GAD2: variants seen among roughly 807,000 people sequenced by gnomAD.
GAD2 encodes glutamate decarboxylase 2.
In GAD2, 22 loss-of-function variants were observed where a neutral mutation model predicts 80.1. The ratio of observed to expected loss-of-function variants is 0.27; its 90% CI spans 0.20 to 0.39. GAD2 has a LOEUF of 0.39. Among genes scored for constraint, GAD2 ranks in the 10% least tolerant of loss-of-function variants. GAD2 has a pLI of 1.00. For missense variants in GAD2, 624 were observed against 738.4 expected, an observed-to-expected ratio of 0.85 and a Z score of 1.80; for synonymous variants, 274 against 256.9, an observed-to-expected ratio of 1.07 and a Z score of -0.64.
At chr10:26,245,281 C>A (rs1218867594) in intron 7 of GAD2, among the ~76,000 whole-genome samples, 2 of 151,686 alleles carry the variant, frequency 1.3e-5, no homozygotes, top group African/African-American at 4.8e-5. Context: ...GGGCTTAATA[C>A]CTAGGTGATG....
intron 12 of GAD2, among the ~76,000 whole-genome samples, chr10:26,285,781 T>G (rs1845325353): frequency 6.6e-6 from 1 of 151,578 alleles, no homozygotes. Context: ...TTTTTTTTTT[T>G]TAGATTTTAG....
intron 8 of GAD2, among the ~76,000 whole-genome samples, chr10:26,265,296 C>G (rs546389865): frequency 6.6e-6 from 1 of 151,644 alleles, no homozygotes; most frequent in Non-Finnish European, 1.5e-5. Flanking sequence ...CTCCACCTCC[C>G]GGGTTCAAGC....
intron 7 of GAD2, among the ~76,000 whole-genome samples, chr10:26,232,464 G>A (rs947436668): frequency 1.4e-5 from 2 of 143,768 alleles, no homozygotes; most frequent in Admixed American, 1.4e-4. Context: ...TGTAAACTCA[G>A]TCTACTTTTT....
At chr10:26,280,908 T>G in intron 11 of GAD2, 101 bp from the exon 12 acceptor site, 1 of 724,466 alleles carries the variant, frequency 1.4e-6, no homozygotes, top group Non-Finnish European at 2.5e-6. Flanking sequence ...AGTGTCAATC[T>G]GGAGTCTGAG....
chr10:26,218,060 C>A lies in GAD2; in HGVS notation c.286+69C>A, dbSNP rs111409766. 2.8e-4 allele frequency: 411 copies of A among 1,485,940 alleles called. No homozygotes were observed. In the African/African-American group the frequency reaches 4.9e-3, roughly 18 times the overall value. The allele number at this position is 1,485,940 out of a possible 1,614,324, so 92.0% of individuals were successfully genotyped here. ...TCTGCCCCGCCCACCGCGGCCGGTGCGGGTCCGGCGCTGAGAGCCGGACAG... is the reference window on the plus strand; with the variant it reads ...TCTGCCCCGCCCACCGCGGCCGGTGAGGGTCCGGCGCTGAGAGCCGGACAG... On this transcript the variant is annotated intron_variant, in intron 3 of 15. Coordinates refer to ENST00000376261, the MANE Select transcript of GAD2 (RefSeq NM_001134366.2).
At chr10:26,275,271 A>C (rs190719604) in intron 11 of GAD2, among the ~76,000 whole-genome samples, 59 of 152,346 alleles carry the variant, frequency 3.9e-4, no homozygotes, top group African/African-American at 1.2e-3. Flanking sequence ...TGACTGGCAC[A>C]AAAAGTCTGT....
At position 26,302,328 on chromosome 10, in the gene GAD2, A is replaced by G. The variant is rs1325483634; in HGVS notation, c.*1367A>G. The G allele has an allele frequency of 6.6e-6, 1 of 152,190 alleles. No individual in the cohort carries two copies. The highest frequency in any genetic ancestry group is 1.5e-5 in the Non-Finnish European group (1 of 68,038). The allele number at this position is 152,190 out of a possible 1,614,324, so 9.4% of individuals were successfully genotyped here. On this transcript the variant is annotated 3_prime_UTR_variant, in exon 16 of 16. Transcript: ENST00000376261. The stretch of plus-strand genomic sequence containing the variant: ...AGGCATTATCTTAAGATTTTCCTTT[A>G]TCCATCTCCCATCGAGATCCAAAGT...
At chr10:26,271,459 C>T (rs1845135847) in intron 10 of GAD2, among the ~76,000 whole-genome samples, 1 of 152,208 alleles carries the variant, frequency 6.6e-6, no homozygotes, top group South Asian at 2.1e-4. Context: ...TGACGATTAG[C>T]TACCACCTGC....
chr10:26,288,483 G>A (rs1834173878), intron 13 of GAD2, among the ~76,000 whole-genome samples: 1 of 152,186 alleles, frequency 6.6e-6, no homozygotes, highest in African/African-American at 2.4e-5. Context: ...CCTAGTGGGA[G>A]ACTCATTCTG....
At chr10:26,262,111 G>A (rs1845015943) in intron 8 of GAD2, among the ~76,000 whole-genome samples, 1 of 152,006 alleles carries the variant, frequency 6.6e-6, no homozygotes, top group African/African-American at 2.4e-5. Context: ...TCTAGCTTCA[G>A]AAAATTCATT....
rs190441553 is a variant in GAD2, at chr10:26,286,559, T to C, written c.1386+65T>C. The stretch of plus-strand genomic sequence containing the variant: ...GAACCTTTATCTGGTGACCCCATTA[T>C]GAAATGTCAAAAAAGTGATTTCCAA... On this transcript the variant is annotated intron_variant, in intron 13 of 15. Transcript: ENST00000376261. The C allele has an allele frequency of 1.7e-5, 25 of 1,448,900 alleles. 1 individual carries two copies. Among genetic ancestry groups the C allele is most frequent in the East Asian group, 1.3e-4 (5 of 39,084 alleles). The allele number at this position is 1,448,900 out of a possible 1,614,324, so 89.8% of individuals were successfully genotyped here. A position where few individuals can be genotyped will look rare whatever the true frequency, so the allele number is the denominator to read the frequency against.
chr10:26,283,647 T>C (rs1420464683), intron 12 of GAD2, among the ~76,000 whole-genome samples: 1 of 152,182 alleles, frequency 6.6e-6, no homozygotes. Context: ...GGTACCAAAT[T>C]GTCCATGGGG....
At chr10:26,283,634 C>A (rs1038717334) in intron 12 of GAD2, among the ~76,000 whole-genome samples, 1 of 152,200 alleles carries the variant, frequency 6.6e-6, no homozygotes, top group African/African-American at 2.4e-5. Flanking sequence ...CTCTGCTTAG[C>A]TTGGTACCAA....
At chr10:26,250,049 G>T (rs1274719497) in intron 8 of GAD2, among the ~76,000 whole-genome samples, 1 of 151,756 alleles carries the variant, frequency 6.6e-6, no homozygotes, top group East Asian at 1.9e-4. Flanking sequence ...TTTAAGACAT[G>T]AGGTCTTGCT....
At chr10:26,241,969 ATTTG>A (rs113962077) in intron 7 of GAD2, among the ~76,000 whole-genome samples, 10 of 151,548 alleles carry the variant, frequency 6.6e-5, no homozygotes, top group East Asian at 1.9e-4. Flanking sequence ...CACTGGTTCC[ATTTG>A]TTTGTTTGTT....
At chr10:26,274,824 G>A (rs1315907217) in intron 11 of GAD2, among the ~76,000 whole-genome samples, 3 of 152,136 alleles carry the variant, frequency 2.0e-5, no homozygotes, top group Non-Finnish European at 4.4e-5. Flanking sequence ...ATGGAAAGAA[G>A]GCAAAAAAGA....
intron 11 of GAD2, among the ~76,000 whole-genome samples, chr10:26,279,460 A>C (rs1589151445): frequency 1.3e-5 from 2 of 152,266 alleles, no homozygotes; most frequent in South Asian, 4.1e-4. Flanking sequence ...GCTGGGGCTC[A>C]CCCCAGGGGC....
chr10:26,229,469 A>G (rs2839674), intron 6 of GAD2, among the ~76,000 whole-genome samples, 193 bp from the exon 7 acceptor site: 16,729 of 152,192 alleles, frequency 0.11, 1,139 homozygotes, highest in African/African-American at 0.18. Flanking sequence ...GGGGTGTGAC[A>G]GTGGCACCTG....
intron 7 of GAD2, 109 bp from the exon 8 acceptor site, chr10:26,245,812 G>A: frequency 1.2e-6 from 1 of 834,092 alleles, no homozygotes; most frequent in Admixed American, 2.4e-5. Flanking sequence ...GGCTTTGGAG[G>A]AACAGACTAG....
Sources: gnomAD v4.1 joint callset for allele counts (sites outside exome capture counted in the v4.1 genomes callset) on GRCh38, gnomAD v4.1.1 for gene constraint, MANE v1.5 for transcripts, NCBI Gene and HGNC (gene_info 2026-07-23, HGNC 2026-07-21) for gene names.